Variants in FAM216A observed in about 807,000 individuals in gnomAD.
FAM216A encodes protein FAM216A.
In FAM216A, 26 loss-of-function variants were observed where a neutral mutation model predicts 37.6. The observed-to-expected ratio is 0.69, with a 90% CI of 0.51 to 0.96. The LOEUF (loss-of-function observed/expected upper bound fraction) is 0.96, where lower values mean the gene tolerates loss of function less well. FAM216A is among the 40% of genes least tolerant of loss of function. The pLI is 0.00. For missense variants in FAM216A, 326 were observed against 339.3 expected (o/e 0.96, Z 0.31); for synonymous variants, 110 against 121.7 (o/e 0.90, Z 0.64).
chr12:110,474,691 C>CAAAAA (rs34479591), intron 2 of FAM216A, among the ~76,000 whole-genome samples: 2 of 44,850 alleles, frequency 4.5e-5, no homozygotes, highest in Non-Finnish European at 3.8e-5. Context: ...GACTCTGTCT[C>CAAAAA]AAAAAAAAAA....
Position 110,486,341 on chromosome 12 carries a change from C to G in FAM216A, c.323C>G (p.Thr108Arg). The change falls in exon 4 of 7, where the codon ACA (threonine) becomes AGA (arginine). Residue 108 changes from threonine to arginine, a missense_variant. Physicochemically the swap from Thr to Arg is moderately conservative, Grantham distance 71. Transcript: ENST00000377673. ...ASFFKHPDLT[T>R]GQKRYLCSIA... ...GTCTTTTAGCATCCAGACCTCACCA[C>G]AGGCCAGAAGCGTTACCTGTGCAGC... 6.2e-7 allele frequency: 1 copy of G among 1,610,334 alleles called. No individual in the cohort carries two copies. Among genetic ancestry groups the G allele is most frequent in the Non-Finnish European group, 8.5e-7 (1 of 1,177,860 alleles).
intron 2 of FAM216A, among the ~76,000 whole-genome samples, chr12:110,478,593 TTGAAGA>T (rs1276396088): frequency 2.0e-5 from 3 of 152,118 alleles, no homozygotes; most frequent in Non-Finnish European, 4.4e-5. Context: ...CATTGTTGGC[TTGAAGA>T]TGAAGAGAGC....
intron 1 of FAM216A, among the ~76,000 whole-genome samples, chr12:110,472,144 T>C (rs956830432): frequency 9.2e-5 from 14 of 151,684 alleles, no homozygotes; most frequent in African/African-American, 3.4e-4. Context: ...AGTGGGAGAA[T>C]TGCTTGGACC....
chr12:110,472,858 C>T (rs548227395), intron 1 of FAM216A, among the ~76,000 whole-genome samples: 9 of 150,970 alleles, frequency 6.0e-5, no homozygotes, highest in African/African-American at 1.9e-4. Context: ...CAGCGCTAGT[C>T]CCAGCTACCT....
chr12:110,480,529 T>A (rs953223250), intron 2 of FAM216A, among the ~76,000 whole-genome samples: 11 of 151,730 alleles, frequency 7.2e-5, no homozygotes, highest in African/African-American at 2.7e-4. Context: ...TAGGCCAGGC[T>A]GGTCTCAAAC....
chr12:110,468,554 C>G, upstream of FAM216A: 2 of 1,537,320 alleles, frequency 1.3e-6, no homozygotes, highest in Non-Finnish European at 1.7e-6. Flanking sequence ...GACGTTTGAC[C>G]TGTATGGTGA....
At chr12:110,485,434 CT>C (rs2062772272) in intron 3 of FAM216A, among the ~76,000 whole-genome samples, 1 of 151,836 alleles carries the variant, frequency 6.6e-6, no homozygotes, top group Non-Finnish European at 1.5e-5. Flanking sequence ...TCTAATGTAT[CT>C]TTACTGAGGG....
chr12:110,485,670 G>A (rs966097905), intron 3 of FAM216A, among the ~76,000 whole-genome samples: 2 of 152,150 alleles, frequency 1.3e-5, no homozygotes, highest in Non-Finnish European at 2.9e-5. Flanking sequence ...TCCCATTAAC[G>A]ATCGTAACTG....
chr12:110,476,881 G>C (rs951293971), intron 2 of FAM216A, among the ~76,000 whole-genome samples: 3 of 151,702 alleles, frequency 2.0e-5, no homozygotes, highest in Non-Finnish European at 4.4e-5. Context: ...GTTTGAGACA[G>C]GTTCTCACCC....
At chr12:110,481,391 C>A (rs1391066325) in intron 2 of FAM216A, among the ~76,000 whole-genome samples, 1 of 152,166 alleles carries the variant, frequency 6.6e-6, no homozygotes, top group East Asian at 1.9e-4. Flanking sequence ...GTCACCCAGG[C>A]TGGAGTGCAG....
chr12:110,468,643 T>C, upstream of FAM216A: 2 of 1,537,196 alleles, frequency 1.3e-6, no homozygotes, highest in Non-Finnish European at 1.7e-6. Flanking sequence ...GCATGTATAT[T>C]TCCCTCCTGT....
intron 2 of FAM216A, among the ~76,000 whole-genome samples, chr12:110,478,542 A>G (rs973047254): frequency 6.6e-6 from 1 of 152,162 alleles, no homozygotes; most frequent in African/African-American, 2.4e-5. Context: ...AGATGTGGGG[A>G]AGAGAAGCAG....
chr12:110,486,723 T>C lies in FAM216A; in HGVS notation c.620+6T>C. ...CCAGTGAGAAACAAAGAAGGGTCTG[T>C]TTCTTAGTGTAAAAGGGGGGAAATG... On this transcript the variant is annotated splice_donor_region_variant and intron_variant, in intron 5 of 6. Coordinates refer to ENST00000377673, the MANE Select transcript of FAM216A (RefSeq NM_013300.3). 6.2e-7 allele frequency: 1 copy of C among 1,605,558 alleles called. No individual in the cohort carries two copies. Among genetic ancestry groups the C allele is most frequent in the East Asian group, 2.2e-5 (1 of 44,842 alleles).
Position 110,486,447 on chromosome 12 carries a change from A to G in FAM216A, c.429A>G (p.Gln143=). 1 of 1,611,528 alleles carries G rather than the reference A, an allele frequency of 6.2e-7. No individual in the cohort carries two copies. The highest frequency in any genetic ancestry group is 8.5e-7 in the Non-Finnish European group (1 of 1,178,244). The change falls in exon 4 of 7, where the codon CAA becomes CAG. Residue 143 remains glutamine (Q), a synonymous_variant. Coordinates refer to ENST00000377673, the MANE Select transcript of FAM216A (RefSeq NM_013300.3). ...TGCACGTACTTCAGCACAGCTCACA[A>G]AAGCCAGGCAGGTGCACCTCCAGTT... ...QYMHVLQHSS[Q]KPGVLTHHRS...
chr12:110,471,846 T>C lies in FAM216A; in HGVS notation c.144-1232T>C, dbSNP rs372118810. ...TGCAGGATGAGGATCAGTTGTTTTG[T>C]CTTAAGTTTAGAAAAGAAAAAGAAT... On this transcript the variant is annotated intron_variant, in intron 1 of 6. Transcript: ENST00000377673. 1.8e-4 allele frequency among the ~76,000 whole-genome samples: 27 copies of C among 152,332 alleles called. No homozygotes were observed. In the South Asian group the frequency reaches 5.4e-3, roughly 30 times the overall value.
At chr12:110,489,134 C>G (rs2062794668) in intron 6 of FAM216A, among the ~76,000 whole-genome samples, 1 of 152,192 alleles carries the variant, frequency 6.6e-6, no homozygotes, top group Middle Eastern at 3.2e-3. Context: ...CAGAAGTATT[C>G]CTCAGAACTG....
At chr12:110,482,631 T>C (rs2062753684) in intron 2 of FAM216A, among the ~76,000 whole-genome samples, 2 of 150,912 alleles carry the variant, frequency 1.3e-5, no homozygotes, top group South Asian at 2.1e-4. Context: ...CCGTCTCTAC[T>C]AAAAATACAA....
intron 2 of FAM216A, among the ~76,000 whole-genome samples, chr12:110,484,791 C>T (rs2062767252): frequency 6.6e-6 from 1 of 151,198 alleles, no homozygotes; most frequent in East Asian, 1.9e-4. Context: ...CTCACTCTTT[C>T]GCCCAGGCTG....
chr12:110,475,683 C>T (rs1018957652), intron 2 of FAM216A, among the ~76,000 whole-genome samples: 9 of 150,594 alleles, frequency 6.0e-5, no homozygotes, highest in Non-Finnish European at 1.0e-4. Flanking sequence ...GTGATCCTCT[C>T]GCCTCAGCTT....
Sources: gnomAD v4.1 joint callset for allele counts (sites outside exome capture counted in the v4.1 genomes callset) on GRCh38, gnomAD v4.1.1 for gene constraint, MANE v1.5 for transcripts, NCBI Gene and HGNC (gene_info 2026-07-23, HGNC 2026-07-21) for gene names.